The following CSNK1G3 variants were observed in gnomAD, a reference collection of about 807,000 sequenced individuals.
CSNK1G3 encodes casein kinase 1 gamma 3.
A neutral mutation model predicts 64.3 loss-of-function variants in CSNK1G3; 23 were observed. That is an observed-to-expected ratio of 0.36 (90% CI 0.26 to 0.51). The LOEUF (loss-of-function observed/expected upper bound fraction) is 0.51. CSNK1G3 is among the 20% of genes least tolerant of loss of function. The probability of loss-of-function intolerance (pLI) is 0.96; values close to 1 mark genes in which losing one functional copy is unlikely to be tolerated. For missense variants in CSNK1G3, 357 were observed against 510.5 expected, an observed-to-expected ratio of 0.70 and a Z score of 2.90; for synonymous variants, 158 against 162.2, an observed-to-expected ratio of 0.97 and a Z score of 0.20.
At chr5:123,519,177 C>T (rs557995142) in intron 1 of CSNK1G3, among the ~76,000 whole-genome samples, 1 of 152,266 alleles carries the variant, frequency 6.6e-6, no homozygotes, top group East Asian at 1.9e-4. Flanking sequence ...CCTCAGCATC[C>T]TGAGTAGCTG....
intron 2 of CSNK1G3, among the ~76,000 whole-genome samples, chr5:123,547,639 ATCTG>A (rs1581049287): frequency 6.6e-6 from 1 of 152,084 alleles, no homozygotes; most frequent in South Asian, 2.1e-4. Flanking sequence ...TTCTTAGTAC[ATCTG>A]TCTGTCTATT....
chr5:123,566,941 T>G (rs1242677658), intron 4 of CSNK1G3, among the ~76,000 whole-genome samples: 1 of 152,244 alleles, frequency 6.6e-6, no homozygotes, highest in Non-Finnish European at 1.5e-5. Flanking sequence ...GTATGTTTAA[T>G]GATTGTATTC....
chr5:123,566,951 C>A (rs988555010), intron 4 of CSNK1G3, among the ~76,000 whole-genome samples: 3 of 152,068 alleles, frequency 2.0e-5, no homozygotes, highest in Admixed American at 1.3e-4. Flanking sequence ...TGATTGTATT[C>A]GTCCGTTTTC....
chr5:123,599,774 T>C (rs1444017523), intron 10 of CSNK1G3, among the ~76,000 whole-genome samples: 1 of 152,158 alleles, frequency 6.6e-6, no homozygotes, highest in African/African-American at 2.4e-5. Flanking sequence ...GTTATGTGCC[T>C]TTATTACATA....
At chr5:123,546,050 G>A in intron 2 of CSNK1G3, 1 of 484,080 alleles carries the variant, frequency 2.1e-6, no homozygotes, top group Non-Finnish European at 3.7e-6. Flanking sequence ...TAGCCATCCA[G>A]AGATTGACTA....
At chr5:123,547,466 T>C (rs971336159) in intron 2 of CSNK1G3, among the ~76,000 whole-genome samples, 2 of 152,142 alleles carry the variant, frequency 1.3e-5, no homozygotes, top group Non-Finnish European at 2.9e-5. Flanking sequence ...TGTGTGTGTG[T>C]ATTCACACAA....
chr5:123,529,394 A>G (rs1779571555), intron 1 of CSNK1G3, among the ~76,000 whole-genome samples: 3 of 152,156 alleles, frequency 2.0e-5, no homozygotes, highest in South Asian at 4.1e-4. Context: ...TTTTCCTGAG[A>G]TGAAAGAACA....
intron 1 of CSNK1G3, among the ~76,000 whole-genome samples, chr5:123,542,902 G>A (rs1197907973): frequency 6.9e-6 from 1 of 145,166 alleles, no homozygotes; most frequent in Non-Finnish European, 1.5e-5. Flanking sequence ...CAAATTTGGG[G>A]AGTTTTTAGC....
chr5:123,537,757 A>G (rs1399924120), intron 1 of CSNK1G3, among the ~76,000 whole-genome samples: 1 of 152,108 alleles, frequency 6.6e-6, no homozygotes, highest in Admixed American at 6.6e-5. Context: ...TGGCAAATGT[A>G]TGTATCCATG....
chr5:123,596,425 G>A (rs1398092601), intron 10 of CSNK1G3, among the ~76,000 whole-genome samples: 3 of 152,078 alleles, frequency 2.0e-5, no homozygotes, highest in African/African-American at 7.2e-5. Flanking sequence ...TTTTAAGTTT[G>A]TGTGTATGTG....
At position 123,583,056 on chromosome 5, in the gene CSNK1G3, A is replaced by C. The variant is rs7732358; in HGVS notation, c.674-5012A>C. Among the ~76,000 whole-genome samples the C allele has an allele frequency of 4.3e-3, 653 of 152,310 alleles. 4 individuals are homozygous for C. The highest frequency in any genetic ancestry group is 0.015 in the African/African-American group (623 of 41,562). On this transcript the variant is annotated intron_variant, in intron 6 of 12. Transcript: ENST00000345990. ...GTTCTCTGATAGAACCATGTAGGCG[A>C]GATCACCTTATGACCGTGGCTTATT...
At chr5:123,610,751 G>A (rs1305113161) in intron 12 of CSNK1G3, among the ~76,000 whole-genome samples, 1 of 152,140 alleles carries the variant, frequency 6.6e-6, no homozygotes, top group Admixed American at 6.5e-5. Flanking sequence ...TGAGGTGGAA[G>A]GATTGCTTGA....
At chr5:123,576,019 G>T (rs914966605) in intron 6 of CSNK1G3, 56 bp downstream of exon 6, 4 of 1,126,922 alleles carry the variant, frequency 3.5e-6, no homozygotes, top group Non-Finnish European at 3.9e-6. Flanking sequence ...TGCTAACACT[G>T]TGAGTTTTTA....
chr5:123,581,348 T>C (rs1294225013), intron 6 of CSNK1G3, among the ~76,000 whole-genome samples: 1 of 139,044 alleles, frequency 7.2e-6, no homozygotes, highest in African/African-American at 2.7e-5. Flanking sequence ...TCTCTTTTTG[T>C]TTTTTGGGTT....
intron 12 of CSNK1G3, among the ~76,000 whole-genome samples, chr5:123,610,919 T>C (rs976878031): frequency 1.3e-5 from 2 of 152,190 alleles, no homozygotes; most frequent in South Asian, 4.1e-4. Flanking sequence ...TTTGTGCCAG[T>C]TTGTTGGGCT....
chr5:123,603,149 A>G (rs1431644751), intron 10 of CSNK1G3, among the ~76,000 whole-genome samples: 1 of 152,144 alleles, frequency 6.6e-6, no homozygotes, highest in Non-Finnish European at 1.5e-5. Context: ...TCTAGGAATC[A>G]TTAGTAACCT....
At chr5:123,565,911 C>G (rs940456294) in intron 4 of CSNK1G3, among the ~76,000 whole-genome samples, 3 of 152,162 alleles carry the variant, frequency 2.0e-5, no homozygotes, top group African/African-American at 4.8e-5. Flanking sequence ...TAACTCCCAT[C>G]AGGCCCCACC....
chr5:123,587,465 C>T (rs903463231), intron 6 of CSNK1G3, among the ~76,000 whole-genome samples: 2 of 152,142 alleles, frequency 1.3e-5, no homozygotes, highest in African/African-American at 2.4e-5. Flanking sequence ...TGCTAAATGA[C>T]ATTTTGTTAC....
At chr5:123,575,516 G>A (rs538858086) in intron 5 of CSNK1G3, among the ~76,000 whole-genome samples, 18 of 152,264 alleles carry the variant, frequency 1.2e-4, no homozygotes, top group South Asian at 6.2e-4. Context: ...AAATACTCTC[G>A]TTTAGCAGTG....
Sources: allele counts gnomAD v4.1 joint callset (sites outside exome capture counted in the v4.1 genomes callset), GRCh38; gene constraint gnomAD v4.1.1; transcripts MANE v1.5; gene names NCBI Gene and HGNC (gene_info 2026-07-23, HGNC 2026-07-21).